The following PSMD9 variants were observed in gnomAD, a reference collection of about 807,000 sequenced individuals.
The protein encoded by PSMD9 is 26S proteasome non-ATPase regulatory subunit 9.
In PSMD9, 26 loss-of-function variants were observed where a neutral mutation model predicts 25.9. The ratio of observed to expected loss-of-function variants is 1.00; its 90% CI spans 0.73 to 1.39. The LOEUF (loss-of-function observed/expected upper bound fraction) is 1.39. Ranked by LOEUF, PSMD9 falls within the 40% of genes most tolerant of loss-of-function variation. PSMD9 has a pLI of 0.00. For missense variants in PSMD9, 303 were observed against 299.3 expected (o/e 1.01, Z -0.09); for synonymous variants, 110 against 114.5 (o/e 0.96, Z 0.25).
At chr12:121,895,118 C>T (rs1040422738) in intron 2 of PSMD9, among the ~76,000 whole-genome samples, 3 of 151,912 alleles carry the variant, frequency 2.0e-5, no homozygotes, top group African/African-American at 4.8e-5. Flanking sequence ...TAACATGACT[C>T]ACTGCAGTCT....
intron 2 of PSMD9, among the ~76,000 whole-genome samples, chr12:121,896,760 C>G (rs1879240724): frequency 6.7e-6 from 1 of 149,220 alleles, no homozygotes; most frequent in African/African-American, 2.5e-5. Context: ...CACTTGAACC[C>G]AGGAGGCGGA....
At chr12:121,899,595 C>T (rs1360783758) in intron 2 of PSMD9, 39 bp from the exon 3 acceptor site, 1 of 1,540,698 alleles carries the variant, frequency 6.5e-7, no homozygotes, top group African/African-American at 1.4e-5. Flanking sequence ...GTGTCCTCCA[C>T]TGTCTTCCTT....
At chr12:121,889,094 G>T in intron 1 of PSMD9, 100 bp downstream of exon 1, 2 of 1,455,210 alleles carry the variant, frequency 1.4e-6, no homozygotes, top group Non-Finnish European at 1.9e-6. Context: ...CTCCGCAACG[G>T]ATCTCCCTGG....
At chr12:121,916,081 C>A in intron 5 of PSMD9, 137 bp downstream of exon 5, 1 of 1,184,994 alleles carries the variant, frequency 8.4e-7, no homozygotes, top group Non-Finnish European at 1.2e-6. Context: ...CAGATAAATC[C>A]TCGTGGTAGG....
Position 121,899,705 on chromosome 12 carries a change from AAGG to A in PSMD9, c.316_318del (p.Glu106del). 6.2e-7 allele frequency: 1 copy of A among 1,614,192 alleles called. No individual in the cohort carries two copies. The highest frequency in any genetic ancestry group is 8.5e-7 in the Non-Finnish European group (1 of 1,180,038). On this transcript the variant is annotated inframe_deletion, in exon 3 of 6. Transcript: ENST00000541212. ...CCTGCACCAGCTGCACGCTCGCGAC[AAGG>A]AGAAGCAGGCCCGGGACATGGCTGA... is the stretch of plus-strand genomic sequence containing the variant.
intron 2 of PSMD9, among the ~76,000 whole-genome samples, chr12:121,896,591 C>T (rs1051197735): frequency 6.6e-6 from 1 of 151,994 alleles, no homozygotes; most frequent in Non-Finnish European, 1.5e-5. Flanking sequence ...AATCCCAGCA[C>T]ACTGGGAGGC....
chr12:121,916,215 G>A, intron 5 of PSMD9, 69 bp from the exon 6 acceptor site: 2 of 1,572,452 alleles, frequency 1.3e-6, no homozygotes, highest in South Asian at 2.2e-5. Flanking sequence ...AAGGTCAGAA[G>A]GGCTCAGCCT....
Position 121,902,972 on chromosome 12 carries a change from T to C in PSMD9, c.454-34T>C, listed in dbSNP as rs371209924. The C allele has an allele frequency of 8.6e-5, 134 of 1,564,038 alleles. No homozygotes were observed. The Middle Eastern group carries it at 1.2e-3, about 14-fold the overall frequency. On this transcript the variant is annotated intron_variant, in intron 3 of 5. Transcript: ENST00000541212. ...GACCACCAGGAGCACACTGAACCTC[T>C]AGCCTGATTTTCCATTTTTCCTTCC...
chr12:121,916,061 A>G lies in PSMD9; in HGVS notation c.644+117A>G, dbSNP rs900697083. ...GGAATAATGGGAATCCCCAGTTTGCATGGAAACTGCAGATAAATCCTCGTG... is the reference window on the plus strand; with the variant it reads ...GGAATAATGGGAATCCCCAGTTTGCGTGGAAACTGCAGATAAATCCTCGTG... On this transcript the variant is annotated intron_variant, in intron 5 of 5. Coordinates refer to ENST00000541212, the MANE Select transcript of PSMD9 (RefSeq NM_002813.7). 1.8e-5 allele frequency: 22 copies of G among 1,245,476 alleles called. No individual in the cohort carries two copies. The African/African-American group carries it at 3.3e-4, about 19-fold the overall frequency. 77.2% of individuals were successfully genotyped at this position (1,245,476 alleles called of 1,614,324 possible).
At chr12:121,908,683 A>C (rs754373764) in intron 4 of PSMD9, among the ~76,000 whole-genome samples, 38 of 152,260 alleles carry the variant, frequency 2.5e-4, no homozygotes, top group Non-Finnish European at 4.9e-4. Flanking sequence ...AAGTGTTATG[A>C]AGGAAGAGTG....
intron 2 of PSMD9, 122 bp from the exon 3 acceptor site, chr12:121,899,509 CCTT>C: frequency 3.4e-6 from 3 of 889,584 alleles, no homozygotes; most frequent in East Asian, 2.7e-5. Flanking sequence ...GTCAGAGACT[CCTT>C]CTCACCTCTA....
chr12:121,891,179 C>T lies in PSMD9; in HGVS notation c.138+2185C>T, dbSNP rs1317640669. On this transcript the variant is annotated intron_variant, in intron 1 of 5. Coordinates refer to ENST00000541212, the MANE Select transcript of PSMD9 (RefSeq NM_002813.7). The stretch of plus-strand genomic sequence containing the variant: ...GGCGTGGTGGTGCATGCCTGTAGTC[C>T]TAGCTACTTGGGAGGCTGAGGCAGG... 8.0e-5 allele frequency among the ~76,000 whole-genome samples: 12 copies of T among 150,336 alleles called. No individual in the cohort carries two copies. In the East Asian group the frequency reaches 2.2e-3, roughly 28 times the overall value.
At position 121,895,471 on chromosome 12, in the gene PSMD9, A is replaced by G. The variant is rs567048007; in HGVS notation, c.241+630A>G. ...TCTGTTTCTGCCATAACAAATGACCACAGACTTAGTAGCTGGAGATAAGAA... is the reference window on the plus strand; with the variant it reads ...TCTGTTTCTGCCATAACAAATGACCGCAGACTTAGTAGCTGGAGATAAGAA... On this transcript the variant is annotated intron_variant, in intron 2 of 5. Coordinates refer to ENST00000541212, the MANE Select transcript of PSMD9 (RefSeq NM_002813.7). Among the ~76,000 whole-genome samples, 8 of 152,198 alleles carry G rather than the reference A, an allele frequency of 5.3e-5. No individual in the cohort carries two copies. The South Asian group carries it at 6.2e-4, about 12-fold the overall frequency.
intron 4 of PSMD9, among the ~76,000 whole-genome samples, chr12:121,913,500 T>C (rs1185782316): frequency 1.3e-5 from 2 of 151,298 alleles, no homozygotes; most frequent in South Asian, 2.1e-4. Flanking sequence ...TTTCTTTTTT[T>C]TTTTTTTTTA....
intron 1 of PSMD9, among the ~76,000 whole-genome samples, chr12:121,893,104 G>T (rs118145204): frequency 2.4e-4 from 37 of 152,194 alleles, no homozygotes; most frequent in African/African-American, 8.0e-4. Context: ...TTAATGCCGT[G>T]TGTGTGAGCT....
intron 1 of PSMD9, among the ~76,000 whole-genome samples, chr12:121,891,180 T>C (rs946634040): frequency 8.7e-5 from 13 of 149,780 alleles, no homozygotes; most frequent in African/African-American, 2.9e-4. Flanking sequence ...CCTGTAGTCC[T>C]AGCTACTTGG....
intron 4 of PSMD9, among the ~76,000 whole-genome samples, chr12:121,905,308 C>T (rs981820563): frequency 1.4e-5 from 2 of 147,674 alleles, no homozygotes; most frequent in East Asian, 3.9e-4. Flanking sequence ...ACTGCAAGCT[C>T]TGCCTCCCAG....
At chr12:121,891,643 C>T (rs1369087730) in intron 1 of PSMD9, among the ~76,000 whole-genome samples, 4 of 149,736 alleles carry the variant, frequency 2.7e-5, no homozygotes, top group Non-Finnish European at 4.4e-5. Context: ...TGGTGGCTCA[C>T]GTCTGTAATC....
In PSMD9 at chr12:121,906,272, T is replaced by C. The variant is rs528203897; in HGVS notation, c.555+3165T>C. Reference sequence around the variant, plus strand: ...GGGCTGGAGGATGGAGAAGGTCGTGTGTTGTGAGTAGGGCCTTTCTGGCTT... The same window carrying C: ...GGGCTGGAGGATGGAGAAGGTCGTGCGTTGTGAGTAGGGCCTTTCTGGCTT... On this transcript the variant is annotated intron_variant, in intron 4 of 5. Coordinates refer to ENST00000541212, the MANE Select transcript of PSMD9 (RefSeq NM_002813.7). Among the ~76,000 whole-genome samples, 6 of 152,198 alleles carry C rather than the reference T, an allele frequency of 3.9e-5. No homozygotes were observed. In the East Asian group the frequency reaches 1.2e-3, roughly 29 times the overall value.
Sources: gnomAD v4.1 joint callset for allele counts (sites outside exome capture counted in the v4.1 genomes callset) on GRCh38, gnomAD v4.1.1 for gene constraint, MANE v1.5 for transcripts, NCBI Gene and HGNC (gene_info 2026-07-23, HGNC 2026-07-21) for gene names.